The following MDGA2 variants were observed in gnomAD, a reference collection of about 807,000 sequenced individuals.
The protein encoded by MDGA2 is MAM domain-containing glycosylphosphatidylinositol anchor protein 2.
Under a neutral mutation model 117.8 loss-of-function variants are expected in MDGA2, and 40 were observed. The observed-to-expected ratio is 0.34, with a 90% CI of 0.26 to 0.44. The LOEUF is 0.44. Ranked by LOEUF, MDGA2 falls within the 20% of genes least tolerant of loss-of-function variation. The pLI, the probability that MDGA2 is intolerant of heterozygous loss-of-function variation, is 1.00. For missense variants in MDGA2, 1,123 were observed against 1,250.6 expected (o/e 0.90, Z 1.54); for synonymous variants, 452 against 439.0 (o/e 1.03, Z -0.37).
intron 1 of MDGA2, among the ~76,000 whole-genome samples, chr14:47,394,936 T>A (rs1212983166): frequency 9.9e-5 from 15 of 152,106 alleles, no homozygotes; most frequent in Admixed American, 9.8e-4. Context: ...GAAGATTACT[T>A]GAGGGCAGGA....
At position 46,964,919 on chromosome 14, in the gene MDGA2, C is replaced by CTTTTT. The variant is rs746778179; in HGVS notation, c.1820-7281_1820-7277dup. ...GAAAATATCCCCAAATATATATTTACTTTTTTTTTTTTTTTTTTTTTTGAG... is the reference window on the plus strand; with the variant it reads ...GAAAATATCCCCAAATATATATTTACTTTTTTTTTTTTTTTTTTTTTTTTTTTGAG... On this transcript the variant is annotated intron_variant, in intron 8 of 16. Transcript: ENST00000399232. Among the ~76,000 whole-genome samples the CTTTTT allele has an allele frequency of 2.3e-3, 204 of 89,770 alleles. 39 individuals are homozygous for CTTTTT. Among genetic ancestry groups the CTTTTT allele is most frequent in the African/African-American group, 0.011 (182 of 16,292 alleles). The allele number at this position is 89,770 out of a possible 152,430, so 58.9% of individuals were successfully genotyped here.
intron 1 of MDGA2, among the ~76,000 whole-genome samples, chr14:47,567,223 ATT>A: frequency 6.6e-6 from 1 of 152,232 alleles, no homozygotes; most frequent in East Asian, 1.9e-4. Context: ...ATTTTAAAAT[ATT>A]TTAGAAGATA....
intron 1 of MDGA2, among the ~76,000 whole-genome samples, chr14:47,342,689 C>T (rs1890665679): frequency 6.6e-6 from 1 of 152,026 alleles, no homozygotes; most frequent in Admixed American, 6.6e-5. Flanking sequence ...CCCGGAAAAA[C>T]GGAGAAATGT....
intron 3 of MDGA2, among the ~76,000 whole-genome samples, chr14:47,208,771 A>G (rs1885778239): frequency 6.6e-6 from 1 of 151,954 alleles, no homozygotes; most frequent in Non-Finnish European, 1.5e-5. Flanking sequence ...CAGTTTAACC[A>G]TAGATTTACT....
At chr14:47,280,343 A>AAAAAAAAG (rs1555369475) in intron 2 of MDGA2, among the ~76,000 whole-genome samples, 22 of 137,326 alleles carry the variant, frequency 1.6e-4, no homozygotes, top group Non-Finnish European at 2.7e-4. Context: ...AAAAAAAAAA[A>AAAAAAAAG]AGAGAGATTG....
At chr14:47,558,170 C>G (rs1027549775) in intron 1 of MDGA2, among the ~76,000 whole-genome samples, 3 of 152,160 alleles carry the variant, frequency 2.0e-5, no homozygotes, top group African/African-American at 7.2e-5. Flanking sequence ...TGGGTGAAGA[C>G]TCTATTCCCA....
At chr14:46,845,316 G>T (rs1445478416) in intron 16 of MDGA2, among the ~76,000 whole-genome samples, 1 of 152,200 alleles carries the variant, frequency 6.6e-6, no homozygotes, top group Non-Finnish European at 1.5e-5. Flanking sequence ...CAGCCTTGCT[G>T]AACTGTGAGT....
At chr14:47,155,888 C>CTTCT (rs1883357530) in intron 3 of MDGA2, among the ~76,000 whole-genome samples, 1 of 40,194 alleles carries the variant, frequency 2.5e-5, no homozygotes, top group East Asian at 6.5e-4. Flanking sequence ...TCTTCTTCTT[C>CTTCT]TTTTTTTTTT....
chr14:47,252,446 T>C (rs1051765238), intron 2 of MDGA2, among the ~76,000 whole-genome samples: 3 of 152,162 alleles, frequency 2.0e-5, no homozygotes, highest in African/African-American at 4.8e-5. Context: ...CAACTTTGCA[T>C]ATTTCTGTTC....
intron 1 of MDGA2, among the ~76,000 whole-genome samples, chr14:47,304,231 T>C (rs775506033): frequency 5.3e-5 from 8 of 152,170 alleles, no homozygotes; most frequent in Non-Finnish European, 1.0e-4. Flanking sequence ...TTAGAGTTCA[T>C]ATAGGTCAGC....
At chr14:47,456,796 T>C (rs946428760) in intron 1 of MDGA2, among the ~76,000 whole-genome samples, 5 of 152,056 alleles carry the variant, frequency 3.3e-5, no homozygotes, top group South Asian at 2.1e-4. Flanking sequence ...GTTGCTGATA[T>C]AGGAGCAATA....
chr14:46,944,399 C>T (rs900429764), intron 9 of MDGA2, among the ~76,000 whole-genome samples: 2 of 151,628 alleles, frequency 1.3e-5, no homozygotes, highest in African/African-American at 4.8e-5. Context: ...TTCTCTTTAT[C>T]ATTAGTTTTC....
chr14:46,977,778 A>G (rs533404805), intron 8 of MDGA2, among the ~76,000 whole-genome samples: 1 of 152,046 alleles, frequency 6.6e-6, no homozygotes, highest in African/African-American at 2.4e-5. Context: ...TCAGAAATAA[A>G]GAATTTTTTC....
At chr14:47,044,050 C>G (rs143951104) in intron 7 of MDGA2, among the ~76,000 whole-genome samples, 18 of 151,908 alleles carry the variant, frequency 1.2e-4, no homozygotes, top group African/African-American at 3.9e-4. Context: ...CAGTAGCTCC[C>G]ACATCATGTA....
At chr14:47,020,895 A>AAAT (rs1419799871) in intron 8 of MDGA2, among the ~76,000 whole-genome samples, 1 of 152,162 alleles carries the variant, frequency 6.6e-6, no homozygotes, top group Non-Finnish European at 1.5e-5. Flanking sequence ...GAAAAAAAAA[A>AAAT]ATTAGAAGCT....
Position 47,139,883 on chromosome 14 carries a change from CATAT to C in MDGA2, c.792+4191_792+4194del, listed in dbSNP as rs368412441. ...ACATATATATATATACACACACACA[CATAT>C]ATATATATATATATACACATATGGA... On this transcript the variant is annotated intron_variant, in intron 4 of 16. Transcript: ENST00000399232. 4.4e-3 allele frequency among the ~76,000 whole-genome samples: 537 copies of C among 120,928 alleles called. 2 individuals carry two copies. Among genetic ancestry groups the C allele is most frequent in the Non-Finnish European group, 6.6e-3 (370 of 55,834 alleles). The allele number at this position is 120,928 out of a possible 152,430, so 79.3% of individuals were successfully genotyped here.
In MDGA2 at chr14:47,577,861, G is replaced by T. The variant is rs532754967; in HGVS notation, c.280+96656C>A. 2.6e-5 allele frequency among the ~76,000 whole-genome samples: 4 copies of T among 152,308 alleles called. No individual in the cohort carries two copies. The East Asian group carries it at 7.7e-4, about 29-fold the overall frequency. ...TTCAACCACTGCAGAAGACAGTGTGGTGATTCCTCAAAGATCTAGAACCAG... is the reference window on the plus strand; with the variant it reads ...TTCAACCACTGCAGAAGACAGTGTGTTGATTCCTCAAAGATCTAGAACCAG... On this transcript the variant is annotated intron_variant, in intron 1 of 16. Coordinates refer to ENST00000399232, the MANE Select transcript of MDGA2 (RefSeq NM_001113498.3).
chr14:47,231,753 GAAA>G (rs61088338), intron 2 of MDGA2, among the ~76,000 whole-genome samples: 2 of 142,982 alleles, frequency 1.4e-5, no homozygotes, highest in Non-Finnish European at 3.1e-5. Context: ...CTTCGTGTTG[GAAA>G]AAAAAAAAAG....
At chr14:47,585,266 A>G (rs567875061) in intron 1 of MDGA2, among the ~76,000 whole-genome samples, 1 of 151,546 alleles carries the variant, frequency 6.6e-6, no homozygotes, top group Admixed American at 6.6e-5. Flanking sequence ...CTTTTCCCCA[A>G]CTCTCCAGAT....
Sources: allele counts gnomAD v4.1 joint callset (sites outside exome capture counted in the v4.1 genomes callset), GRCh38; gene constraint gnomAD v4.1.1; transcripts MANE v1.5; gene names NCBI Gene and HGNC (gene_info 2026-07-23, HGNC 2026-07-21).